The following RNLS variants were observed in gnomAD, a reference collection of about 807,000 sequenced individuals.
The protein encoded by RNLS is renalase, FAD dependent amine oxidase, also known as renalase.
In RNLS, 39 loss-of-function variants were observed where a neutral mutation model predicts 39.8. The ratio of observed to expected loss-of-function variants is 0.98; its 90% CI spans 0.76 to 1.28. The LOEUF is 1.28. Among genes scored for constraint, RNLS ranks in the 50% most tolerant of loss-of-function variants. The pLI is 0.00. For synonymous variants in RNLS, 147 were observed against 150.7 expected (o/e 0.98, Z 0.18); for missense variants, 410 against 413.3 (o/e 0.99, Z 0.07).
chr10:88,524,818 C>T (rs1017393627), intron 4 of RNLS, among the ~76,000 whole-genome samples: 19 of 151,006 alleles, frequency 1.3e-4, no homozygotes, highest in African/African-American at 4.4e-4. Flanking sequence ...CTAACCTTTC[C>T]GTATTCTTCA....
the RNLS span, among the ~76,000 whole-genome samples, chr10:88,198,782 G>C: frequency 6.6e-6 from 1 of 152,098 alleles, no homozygotes; most frequent in African/African-American, 2.4e-5. Flanking sequence ...CATGCTTCCA[G>C]TGTAGCCTGT....
intron 4 of RNLS, among the ~76,000 whole-genome samples, chr10:88,504,841 C>T (rs1022601373): frequency 7.3e-6 from 1 of 136,986 alleles, no homozygotes; most frequent in African/African-American, 3.0e-5. Flanking sequence ...GAGAGAGAGA[C>T]AGAGTGTGTG....
the RNLS span, among the ~76,000 whole-genome samples, chr10:88,209,186 T>G: frequency 1.3e-5 from 2 of 152,134 alleles, no homozygotes; most frequent in East Asian, 3.8e-4. Flanking sequence ...GAGTTTGATT[T>G]TGGGGACTGT....
At chr10:88,555,457 A>G (rs891537700) in intron 4 of RNLS, among the ~76,000 whole-genome samples, 7 of 152,170 alleles carry the variant, frequency 4.6e-5, no homozygotes, top group Admixed American at 3.9e-4. Context: ...CTCACATGAC[A>G]GCTGGTTGTT....
At chr10:88,270,203 G>A (rs938330978), downstream of RNLS, among the ~76,000 whole-genome samples, 8 of 152,160 alleles carry the variant, frequency 5.3e-5, 1 homozygote, top group South Asian at 8.3e-4. Flanking sequence ...TCCGTTGATC[G>A]ACCTTTGTAC....
intron 4 of RNLS, among the ~76,000 whole-genome samples, chr10:88,370,571 G>A (rs1243560475): frequency 2.0e-5 from 3 of 152,148 alleles, no homozygotes; most frequent in Non-Finnish European, 4.4e-5. Context: ...TCTTGATTTA[G>A]TTATTACCTT....
intron 5 of RNLS, among the ~76,000 whole-genome samples, chr10:88,355,494 C>T (rs534453364): frequency 1.9e-4 from 29 of 152,296 alleles, no homozygotes; most frequent in African/African-American, 6.7e-4. Context: ...GACCGTTTGC[C>T]TGGGTATCAG....
At chr10:88,316,528 A>G (rs1294925149) in intron 5 of RNLS, among the ~76,000 whole-genome samples, 1 of 152,150 alleles carries the variant, frequency 6.6e-6, no homozygotes, top group Non-Finnish European at 1.5e-5. Context: ...GAAGCAGGGA[A>G]GTTGGGGCTC....
chr10:88,253,046 T>C, the RNLS span, among the ~76,000 whole-genome samples: 98 of 152,314 alleles, frequency 6.4e-4, no homozygotes, highest in Non-Finnish European at 1.1e-3. Flanking sequence ...CTGAAGTGAA[T>C]TTTTCTGGAG....
At chr10:88,417,118 G>A (rs934182041) in intron 4 of RNLS, among the ~76,000 whole-genome samples, 2 of 152,222 alleles carry the variant, frequency 1.3e-5, no homozygotes, top group Non-Finnish European at 2.9e-5. Context: ...AGGGGAGTGG[G>A]AGCCCAGCTA....
At chr10:88,275,014 T>A (rs745561950) in exon 7 of RNLS, 4 of 1,613,108 alleles carry the variant, frequency 2.5e-6, no homozygotes, top group Non-Finnish European at 3.4e-6. Context: ...CATCCTAGAA[T>A]CACACCAGCA....
chr10:88,573,037 C>G lies in RNLS; in HGVS notation c.392G>C (p.Arg131Pro). The change falls in exon 4 of 7, where the codon CGT (arginine) becomes CCT (proline). Residue 131 changes from arginine (R) to proline (P), a missense_variant. Coordinates refer to ENST00000331772, the MANE Select transcript of RNLS (RefSeq NM_001031709.3). ...ESGAEVYFRH[R>P]VTQINLRDDK... ...ATCTCTTAGGTTGATCTGTGTCACA[C>G]GATGTCTGAAGTAGACTTCTGCACC... The G allele has an allele frequency of 6.2e-7, 1 of 1,613,928 alleles. No homozygotes were observed. Among genetic ancestry groups the G allele is most frequent in the South Asian group, 1.1e-5 (1 of 91,052 alleles).
intron 4 of RNLS, among the ~76,000 whole-genome samples, chr10:88,491,688 T>C (rs1461629707): frequency 2.6e-5 from 4 of 152,214 alleles, no homozygotes; most frequent in African/African-American, 9.6e-5. Flanking sequence ...TAGCTTACTA[T>C]ATTATTTGTT....
intron 4 of RNLS, among the ~76,000 whole-genome samples, chr10:88,424,657 G>C (rs540946005): frequency 1.3e-5 from 2 of 152,226 alleles, no homozygotes; most frequent in Non-Finnish European, 2.9e-5. Context: ...AATGTCAATA[G>C]GGTAACGAGT....
the RNLS span, among the ~76,000 whole-genome samples, chr10:88,227,423 A>G: frequency 6.6e-6 from 1 of 152,212 alleles, no homozygotes; most frequent in Non-Finnish European, 1.5e-5. Context: ...TTATCTAATA[A>G]CAATATGCTA....
the RNLS span, among the ~76,000 whole-genome samples, chr10:88,210,988 T>C: frequency 3.9e-5 from 6 of 152,094 alleles, no homozygotes; most frequent in Non-Finnish European, 8.8e-5. Flanking sequence ...CAAATAGTAG[T>C]ATATTTTCTA....
chr10:88,257,628 G>A, the RNLS span, among the ~76,000 whole-genome samples: 1 of 152,200 alleles, frequency 6.6e-6, no homozygotes, highest in Non-Finnish European at 1.5e-5. Flanking sequence ...GTCAGGCTGG[G>A]AGACCTATAG....
intron 5 of RNLS, among the ~76,000 whole-genome samples, chr10:88,358,350 C>T (rs1170493189): frequency 6.6e-6 from 1 of 152,138 alleles, no homozygotes; most frequent in Non-Finnish European, 1.5e-5. Flanking sequence ...AAGGTGACAT[C>T]AAGTCAGGGT....
At chr10:88,220,428 C>T in the RNLS span, among the ~76,000 whole-genome samples, 2 of 152,096 alleles carry the variant, frequency 1.3e-5, no homozygotes, top group African/African-American at 4.8e-5. Flanking sequence ...AGACAGTGCT[C>T]AAATTATAGT....
Sources: gnomAD v4.1 joint callset for allele counts (sites outside exome capture counted in the v4.1 genomes callset) on GRCh38, gnomAD v4.1.1 for gene constraint, MANE v1.5 for transcripts, NCBI Gene and HGNC (gene_info 2026-07-23, HGNC 2026-07-21) for gene names.